TOGARAM1: variants seen among roughly 807,000 people sequenced by gnomAD.
The protein encoded by TOGARAM1 is TOG array regulator of axonemal microtubules 1, also known as TOG array regulator of axonemal microtubules protein 1.
In TOGARAM1, 100 loss-of-function variants were observed where a neutral mutation model predicts 166.6. The ratio of observed to expected loss-of-function variants is 0.60; its 90% confidence interval spans 0.51 to 0.71. TOGARAM1 has a LOEUF of 0.71. TOGARAM1 is among the 30% of genes least tolerant of loss of function. The pLI, the probability that TOGARAM1 is intolerant of heterozygous loss-of-function variation, is 0.00. For missense variants in TOGARAM1, 2,029 were observed against 2,102.7 expected (o/e 0.96, Z 0.69); for synonymous variants, 758 against 763.8 (o/e 0.99, Z 0.13).
rs1885260524 is a variant in TOGARAM1 at position 44,962,891 on chromosome 14, A to C, written c.470A>C (p.Gln157Pro). The change falls in exon 1 of 20, where the codon CAA (glutamine) becomes CCA (proline). Residue 157 changes from glutamine (Q) to proline (P), a missense_variant. Coordinates refer to ENST00000361462, the MANE Select transcript of TOGARAM1 (RefSeq NM_001308120.2). ...GGSDEKRLCLQLLSDVLRGQG... is the reference protein window; with the variant it reads ...GGSDEKRLCLPLLSDVLRGQG... Reference sequence around the variant, plus strand: ...AGTGATGAGAAGCGGCTCTGCTTGCAACTTCTCTCGGACGTTCTCCGGGGT... The same window carrying C: ...AGTGATGAGAAGCGGCTCTGCTTGCCACTTCTCTCGGACGTTCTCCGGGGT... The C allele has an allele frequency of 6.2e-7, 1 of 1,613,970 alleles. No homozygotes were observed. The highest frequency in any genetic ancestry group is 8.5e-7 in the Non-Finnish European group (1 of 1,180,012).
chr14:44,971,288 G>A (rs1885871907), intron 1 of TOGARAM1, among the ~76,000 whole-genome samples: 1 of 152,108 alleles, frequency 6.6e-6, no homozygotes. Context: ...TTTACACATT[G>A]TGTCTTTCAA....
chr14:44,983,232 A>G (rs2138763313), intron 1 of TOGARAM1, among the ~76,000 whole-genome samples: 1 of 152,324 alleles, frequency 6.6e-6, no homozygotes, highest in East Asian at 1.9e-4. Context: ...TGGGTCAAGA[A>G]CACAAGTATA....
At chr14:45,058,477 T>C (rs188002388) in intron 16 of TOGARAM1, among the ~76,000 whole-genome samples, 40 of 152,226 alleles carry the variant, frequency 2.6e-4, no homozygotes, top group African/African-American at 9.6e-4. Context: ...GTACTTTTAG[T>C]AGAGACGGGG....
chr14:44,966,898 CAG>C (rs1390467542), intron 1 of TOGARAM1, among the ~76,000 whole-genome samples: 1 of 152,110 alleles, frequency 6.6e-6, no homozygotes, highest in Non-Finnish European at 1.5e-5. Context: ...CAGACTGCAG[CAG>C]TGAGCCATGA....
At chr14:45,049,077 A>C (rs1268940215) in intron 14 of TOGARAM1, among the ~76,000 whole-genome samples, 2 of 150,864 alleles carry the variant, frequency 1.3e-5, no homozygotes, top group Non-Finnish European at 3.0e-5. Context: ...AAAAAAAAAA[A>C]AAAAAAAAAG....
At chr14:45,059,708 T>G (rs1176374217) in intron 16 of TOGARAM1, among the ~76,000 whole-genome samples, 21 of 151,936 alleles carry the variant, frequency 1.4e-4, no homozygotes, top group Admixed American at 1.4e-3. Flanking sequence ...TATTGAAAAA[T>G]TATACGAATA....
At chr14:44,996,097 G>T (rs1441308554) in intron 2 of TOGARAM1, 195 bp downstream of exon 2, 8 of 390,786 alleles carry the variant, frequency 2.0e-5, no homozygotes, top group Non-Finnish European at 3.1e-5. Flanking sequence ...CACTGAAATC[G>T]TTTAAGTATT....
intron 16 of TOGARAM1, among the ~76,000 whole-genome samples, chr14:45,060,561 T>G (rs1882860661): frequency 1.3e-5 from 2 of 152,126 alleles, no homozygotes; most frequent in African/African-American, 4.8e-5. Context: ...TAAATAAGAA[T>G]TGGTAATTTT....
chr14:44,984,603 A>G (rs1308464195), intron 1 of TOGARAM1, among the ~76,000 whole-genome samples: 1 of 141,946 alleles, frequency 7.0e-6, no homozygotes, highest in Non-Finnish European at 1.6e-5. Flanking sequence ...CCCTGTCTCT[A>G]AAAAAAAAAA....
In TOGARAM1 at chr14:45,028,244, G is replaced by C. The variant is rs1880971333; in HGVS notation, c.3573G>C (p.Leu1191=). The change falls in exon 10 of 20, where the codon CTG becomes CTC. Residue 1191 remains leucine (L), a synonymous_variant. Coordinates refer to ENST00000361462, the MANE Select transcript of TOGARAM1 (RefSeq NM_001308120.2). ...AAAAGAGAAAAGAAGAGAAAGAACT[G>C]TTTCACAATAAAGATTGTGAAAAGA... is the stretch of plus-strand genomic sequence containing the variant. The part of the protein sequence containing the change: ...MRQKRKEEKE[L]FHNKDCEKKE... 6.2e-7 allele frequency: 1 copy of C among 1,603,108 alleles called. No individual in the cohort carries two copies. The highest frequency in any genetic ancestry group is 1.1e-5 in the South Asian group (1 of 88,708).
intron 1 of TOGARAM1, among the ~76,000 whole-genome samples, chr14:44,991,125 AT>A (rs1019576317): frequency 4.0e-5 from 6 of 150,582 alleles, no homozygotes; most frequent in African/African-American, 1.5e-4. Context: ...GGCCTGGTTA[AT>A]TTTTTATTTT....
rs183687192 is a variant in TOGARAM1 at position 44,999,114 on chromosome 14, G to A, written c.2204-249G>A. ...AAGAGTGTAGGAAGAAACTGCTTTT[G>A]CAGATATTCTTCAACATACCTGTCT... On this transcript the variant is annotated intron_variant, in intron 2 of 19. Transcript: ENST00000361462. 1.6e-3 allele frequency among the ~76,000 whole-genome samples: 241 copies of A among 152,166 alleles called. 1 individual carries two copies. The highest frequency in any genetic ancestry group is 2.6e-3 in the Non-Finnish European group (176 of 67,998).
rs1880908487 is a variant in TOGARAM1, at chr14:45,027,333, C to T, written c.3363C>T (p.Thr1121=). The T allele has an allele frequency of 5.0e-6, 8 of 1,613,238 alleles. No individual in the cohort carries two copies. Among genetic ancestry groups the T allele is most frequent in the East Asian group, 2.2e-5 (1 of 44,802 alleles). The change falls in exon 9 of 20, where the codon ACC becomes ACT. Residue 1121 remains threonine (T), a synonymous_variant. Transcript: ENST00000361462. ...GAAGTTTAAGTTCAGCACCAGCAACCTGCAGCCAATCAGTGATATCTTCTG... is the reference window on the plus strand; with the variant it reads ...GAAGTTTAAGTTCAGCACCAGCAACTTGCAGCCAATCAGTGATATCTTCTG... ...VFGSLSSAPA[T]CSQSVISSVE... is the part of the protein sequence containing the mutation.
intron 16 of TOGARAM1, among the ~76,000 whole-genome samples, chr14:45,059,893 A>G (rs1882820876): frequency 1.3e-5 from 2 of 151,556 alleles, no homozygotes; most frequent in South Asian, 4.2e-4. Flanking sequence ...GACATCACCT[A>G]GGAGCTTTTT....
chr14:45,025,731 A>G, intron 7 of TOGARAM1, 52 bp from the exon 8 acceptor site: 1 of 1,014,234 alleles, frequency 9.9e-7, no homozygotes, highest in Non-Finnish European at 1.5e-6. Flanking sequence ...AAGATACTAC[A>G]TAATAAGCAA....
intron 1 of TOGARAM1, among the ~76,000 whole-genome samples, chr14:44,988,803 T>C (rs1276658566): frequency 6.6e-6 from 1 of 152,198 alleles, no homozygotes; most frequent in Admixed American, 6.5e-5. Flanking sequence ...TGACTTGCTC[T>C]GAAGGAAGCC....
chr14:44,986,530 C>T (rs995052169), intron 1 of TOGARAM1, among the ~76,000 whole-genome samples: 1 of 152,102 alleles, frequency 6.6e-6, no homozygotes, highest in Non-Finnish European at 1.5e-5. Flanking sequence ...CTGCTGGCCC[C>T]AAGTGATCCT....
chr14:44,999,534 A>G, intron 3 of TOGARAM1, 37 bp downstream of exon 3: 1 of 1,529,120 alleles, frequency 6.5e-7, no homozygotes, highest in Non-Finnish European at 8.9e-7. Flanking sequence ...CAAATGACTT[A>G]TAAATATTAT....
chr14:45,021,024 G>A (rs1880468446), intron 7 of TOGARAM1, among the ~76,000 whole-genome samples: 1 of 152,156 alleles, frequency 6.6e-6, no homozygotes, highest in Middle Eastern at 3.2e-3. Flanking sequence ...GTATGGGTAT[G>A]GAGGGTTTCA....
Sources: gnomAD v4.1 joint callset for allele counts (sites outside exome capture counted in the v4.1 genomes callset) on GRCh38, gnomAD v4.1.1 for gene constraint, MANE v1.5 for transcripts, NCBI Gene and HGNC (gene_info 2026-07-23, HGNC 2026-07-21) for gene names.